The following PCDHA9 variants were observed in gnomAD, a reference collection of about 807,000 sequenced individuals.
The protein encoded by PCDHA9 is protocadherin alpha 9, also known as protocadherin alpha-9.
In PCDHA9, 62 loss-of-function variants were observed where a neutral mutation model predicts 62.0. The observed-to-expected ratio is 1.00, with a 90% CI of 0.81 to 1.23. The LOEUF (loss-of-function observed/expected upper bound fraction) is 1.23. PCDHA9 is among the 50% of genes most tolerant of loss of function. The probability of loss-of-function intolerance (pLI) is 0.00; values close to 1 mark genes in which losing one functional copy is unlikely to be tolerated. For synonymous variants in PCDHA9, 557 were observed against 567.6 expected, an observed-to-expected ratio of 0.98 and a Z score of 0.27; for missense variants, 1,205 against 1,249.8, an observed-to-expected ratio of 0.96 and a Z score of 0.54.
intron 1 of PCDHA9, among the ~76,000 whole-genome samples, chr5:140,957,690 T>G (rs2095375856): frequency 6.6e-6 from 1 of 152,060 alleles, no homozygotes; most frequent in South Asian, 2.1e-4. Context: ...ATCTAGACAA[T>G]GAACATTATG....
intron 3 of PCDHA9, among the ~76,000 whole-genome samples, chr5:140,988,428 G>A (rs1186229744): frequency 6.6e-6 from 1 of 152,160 alleles, no homozygotes; most frequent in Non-Finnish European, 1.5e-5. Context: ...GAATTTGTTT[G>A]TTTTGGATTG....
chr5:140,864,875 T>G (rs1554159183), intron 1 of PCDHA9: 1 of 152,186 alleles, frequency 6.6e-6, no homozygotes, highest in Non-Finnish European at 1.5e-5. Context: ...TACCATTGTC[T>G]GTGTTCATTA....
At position 140,849,434 on chromosome 5, in the gene PCDHA9, T is replaced by C. The variant is rs2150437412; in HGVS notation, c.939T>C (p.Ser313=). ...TVIGHMDFEE[S]RAHKIPVEAV... The stretch of plus-strand genomic sequence containing the variant: ...TAGGACATATGGATTTTGAAGAAAG[T>C]AGAGCACACAAGATCCCAGTCGAGG... The change falls in exon 1 of 4, where the codon AGT becomes AGC. Residue 313 remains serine, a synonymous_variant. Coordinates refer to ENST00000532602, the MANE Select transcript of PCDHA9 (RefSeq NM_031857.2). The C allele has an allele frequency of 1.0e-5, 16 of 1,580,752 alleles. No individual in the cohort carries two copies. The highest frequency in any genetic ancestry group is 9.5e-6 in the Non-Finnish European group (11 of 1,157,824).
chr5:141,009,771 T>A lies in PCDHA9; in HGVS notation c.2687T>A (p.Ile896Asn). The change falls in exon 4 of 4, where the codon ATC (isoleucine) becomes AAC (asparagine). Residue 896 changes from isoleucine (I) to asparagine (N), a missense_variant. Transcript: ENST00000532602. The part of the protein sequence containing the change: ...DKFIIPGSPA[I>N]ISIRQEPTNS... ...TTCATTATCCCAGGATCTCCTGCAA[T>A]CATCTCCATCCGGCAGGAGCCTACT... 3 of 1,614,082 alleles carry A rather than the reference T, an allele frequency of 1.9e-6. No homozygotes were observed. Among genetic ancestry groups the A allele is most frequent in the Non-Finnish European group, 2.5e-6 (3 of 1,180,020 alleles).
chr5:140,892,826 C>T (rs1554185388), intron 1 of PCDHA9, among the ~76,000 whole-genome samples: 1 of 152,166 alleles, frequency 6.6e-6, no homozygotes, highest in Non-Finnish European at 1.5e-5. Flanking sequence ...TACAGTGCTA[C>T]AGTGCTGCAA....
At position 140,849,055 on chromosome 5, in the gene PCDHA9, A is replaced by G; in HGVS notation, c.560A>G (p.Gln187Arg). The G allele has an allele frequency of 5.8e-6, 9 of 1,555,688 alleles. No individual in the cohort carries two copies. The Middle Eastern group carries it at 8.5e-4, about 147-fold the overall frequency. ...TTCCTGGACGTGCCAACCAGCAACC[A>G]GCAGGTAAAACCTCTTGGACTTGTA... ...YFFLDVPTSN[Q>R]QVKPLGLVLR... The change falls in exon 1 of 4, where the codon CAG becomes CGG. Residue 187 changes from glutamine to arginine, a missense_variant. Physicochemically the swap from Gln to Arg is conservative, Grantham distance 43. This residue lies in a region of PCDHA9 where 110 missense variants were observed against 227.2 expected (regional missense o/e 0.48). Coordinates refer to ENST00000532602, the MANE Select transcript of PCDHA9 (RefSeq NM_031857.2).
chr5:140,878,474 C>A (rs1227598146), intron 1 of PCDHA9, among the ~76,000 whole-genome samples: 1 of 152,134 alleles, frequency 6.6e-6, no homozygotes, highest in Non-Finnish European at 1.5e-5. Flanking sequence ...AATCATTTCT[C>A]AATTTAAAAA....
chr5:140,855,039 TG>T lies in PCDHA9; in HGVS notation c.2394+4151del, dbSNP rs1451069015. ...AAACTTCTTGTATAAAGGATTTTTC[TG>T]TAATAGTACTTTTCTGTTTTCTTAA... On this transcript the variant is annotated intron_variant, in intron 1 of 3. Transcript: ENST00000532602. Among the ~76,000 whole-genome samples, 12 of 150,016 alleles carry T rather than the reference TG, an allele frequency of 8.0e-5. 1 individual carries two copies. Among genetic ancestry groups the T allele is most frequent in the African/African-American group, 2.9e-4 (12 of 40,938 alleles).
chr5:140,891,782 T>C (rs574840881), intron 1 of PCDHA9, among the ~76,000 whole-genome samples: 1 of 152,284 alleles, frequency 6.6e-6, no homozygotes, highest in African/African-American at 2.4e-5. Flanking sequence ...AGGAAATGTT[T>C]AGATTATGAG....
At chr5:140,932,688 TA>T (rs1214634464) in intron 1 of PCDHA9, among the ~76,000 whole-genome samples, 4 of 151,810 alleles carry the variant, frequency 2.6e-5, no homozygotes, top group African/African-American at 9.7e-5. Flanking sequence ...ATATTCAAAT[TA>T]AAAAACTCAT....
At chr5:140,900,425 G>T (rs577250354) in intron 1 of PCDHA9, among the ~76,000 whole-genome samples, 1 of 152,236 alleles carries the variant, frequency 6.6e-6, no homozygotes, top group African/African-American at 2.4e-5. Context: ...TTATAGGCAC[G>T]TGCCACCACG....
chr5:140,883,973 G>A (rs782157297), intron 1 of PCDHA9: 45 of 1,612,722 alleles, frequency 2.8e-5, no homozygotes, highest in Non-Finnish European at 3.5e-5. Flanking sequence ...GCTGACGCCC[G>A]GGGCTGGCAG....
At chr5:140,917,326 G>GT (rs1425389614) in intron 1 of PCDHA9, among the ~76,000 whole-genome samples, 1 of 149,490 alleles carries the variant, frequency 6.7e-6, no homozygotes, top group Non-Finnish European at 1.5e-5. Flanking sequence ...TCATGTGGCG[G>GT]GGGAGGGGGG....
chr5:140,962,155 G>A (rs977043867), intron 1 of PCDHA9, among the ~76,000 whole-genome samples: 8 of 152,060 alleles, frequency 5.3e-5, no homozygotes, highest in South Asian at 2.1e-4. Flanking sequence ...GATTACAGGC[G>A]TGAGCCACCA....
chr5:140,948,943 A>G (rs2094326850), intron 1 of PCDHA9, among the ~76,000 whole-genome samples: 1 of 71,272 alleles, frequency 1.4e-5, no homozygotes, highest in African/African-American at 4.3e-5. Context: ...CTTCTAATAT[A>G]AAAAAATTAA....
At chr5:140,854,958 C>T (rs1554147522) in intron 1 of PCDHA9, among the ~76,000 whole-genome samples, 2 of 149,742 alleles carry the variant, frequency 1.3e-5, no homozygotes, top group African/African-American at 2.4e-5. Context: ...TTCTTAATTA[C>T]TTTATTCAGA....
chr5:140,884,628 G>A (rs2153405760), intron 1 of PCDHA9: 3 of 1,612,722 alleles, frequency 1.9e-6, no homozygotes, highest in Non-Finnish European at 2.5e-6. Context: ...GAGGGAACAG[G>A]CCAGAGGGAG....
intron 1 of PCDHA9, chr5:140,870,601 G>A (rs1554164453): frequency 1.2e-6 from 2 of 1,613,228 alleles, no homozygotes; most frequent in Admixed American, 1.7e-5. Context: ...GCGGTTGGGC[G>A]ACCGCGCGCT....
intron 1 of PCDHA9, among the ~76,000 whole-genome samples, chr5:140,975,810 A>T (rs1310331964): frequency 7.4e-6 from 1 of 134,690 alleles, no homozygotes; most frequent in African/African-American, 2.5e-5. Context: ...TTATAATTTT[A>T]ATAGGAACTG....
Sources: gnomAD v4.1 joint callset for allele counts (sites outside exome capture counted in the v4.1 genomes callset) on GRCh38, gnomAD v4.1.1 for gene constraint, gnomAD v4.1.1 regional missense constraint, MANE v1.5 for transcripts, NCBI Gene and HGNC (gene_info 2026-07-23, HGNC 2026-07-21) for gene names.